The following ZNF507 variants were observed in gnomAD, a reference collection of about 807,000 sequenced individuals.
ZNF507 encodes zinc finger protein 507.
A neutral mutation model predicts 80.0 loss-of-function variants in ZNF507; 29 were observed. That is an observed-to-expected ratio of 0.36 (90% confidence interval 0.27 to 0.49). The LOEUF (loss-of-function observed/expected upper bound fraction) is 0.49, where lower values mean the gene tolerates loss of function less well. ZNF507 is among the 20% of genes least tolerant of loss of function. The pLI, the probability that ZNF507 is intolerant of heterozygous loss-of-function variation, is 0.98. For missense variants in ZNF507, 1,081 were observed against 1,152.2 expected, an observed-to-expected ratio of 0.94 and a Z score of 0.90; for synonymous variants, 462 against 422.5, an observed-to-expected ratio of 1.09 and a Z score of -1.15.
rs1199026450 is a variant in ZNF507 at position 32,382,592 on chromosome 19, A to G, written c.2486A>G (p.Gln829Arg). ...VNKAINDAIS[Q>R]SGRVLGKSPG... is the part of the protein sequence containing the mutation. ...AAGGCTATTAACGACGCGATTTCAC[A>G]AAGTGGCAGGTATTTCATCCTACCC... The change falls in exon 6 of 7, where the codon CAA becomes CGA. Residue 829 changes from glutamine (Q) to arginine (R), a missense_variant. Gln to Arg is a conservative substitution (Grantham distance 43). Transcript: ENST00000355898. 1.2e-6 allele frequency: 2 copies of G among 1,614,090 alleles called. No individual in the cohort carries two copies. Among genetic ancestry groups the G allele is most frequent in the Non-Finnish European group, 1.7e-6 (2 of 1,180,034 alleles).
In ZNF507 at chr19:32,383,776, G is replaced by C. The variant is rs1257051807; in HGVS notation, c.*693G>C. 6.6e-6 allele frequency: 1 copy of C among 152,210 alleles called. No homozygotes were observed. The highest frequency in any genetic ancestry group is 1.5e-5 in the Non-Finnish European group (1 of 68,044). 9.4% of individuals were successfully genotyped at this position (152,210 alleles called of 1,614,324 possible). ...GATGAATTTCTTGTGAGCAGAGGAC[G>C]AAACAGGTGAATTCTCACCAGACTC... is the stretch of plus-strand genomic sequence containing the variant. On this transcript the variant is annotated 3_prime_UTR_variant, in exon 7 of 7. Coordinates refer to ENST00000355898, the MANE Select transcript of ZNF507 (RefSeq NM_001136156.2).
At chr19:32,359,561 A>G (rs1967294089) in intron 4 of ZNF507, 1 of 152,208 alleles carries the variant, frequency 6.6e-6, no homozygotes, top group Non-Finnish European at 1.5e-5. Flanking sequence ...GAAGCGTTGA[A>G]TATCTTCAAG....
chr19:32,383,106 A>G lies in ZNF507; in HGVS notation c.*23A>G. On this transcript the variant is annotated 3_prime_UTR_variant, in exon 7 of 7. Transcript: ENST00000355898. ...TAGGTGGAATAATGACTCGAGCAGG[A>G]AAGCAGTAGAAGAGGATTCCTTCAC... The G allele has an allele frequency of 1.3e-6, 2 of 1,599,528 alleles. No individual in the cohort carries two copies. Among genetic ancestry groups the G allele is most frequent in the Non-Finnish European group, 1.7e-6 (2 of 1,170,362 alleles).
Position 32,353,245 on chromosome 19 carries a change from G to A in ZNF507, c.415G>A (p.Val139Met), listed in dbSNP as rs745604662. 6.7e-5 allele frequency: 108 copies of A among 1,614,048 alleles called. No homozygotes were observed. Among genetic ancestry groups the A allele is most frequent in the Middle Eastern group, 1.6e-4 (1 of 6,084 alleles). Residue 139 changes from valine to methionine, a missense_variant, in exon 3 of 7, where the codon GTG becomes ATG. Physicochemically the swap from Val to Met is conservative, Grantham distance 21. Coordinates refer to ENST00000355898, the MANE Select transcript of ZNF507 (RefSeq NM_001136156.2). ...TAAGTTTCTATCATCATCCTTTTCCGTGTTAAAAGATCATATTAAGCAACA... is the reference window on the plus strand; with the variant it reads ...TAAGTTTCTATCATCATCCTTTTCCATGTTAAAAGATCATATTAAGCAACA... The part of the protein sequence containing the change: ...LCKFLSSSFS[V>M]LKDHIKQHGQ...
intron 5 of ZNF507, among the ~76,000 whole-genome samples, chr19:32,374,715 C>T (rs1046421798): frequency 1.3e-5 from 2 of 152,154 alleles, no homozygotes; most frequent in Non-Finnish European, 1.5e-5. Flanking sequence ...CTCATGACCT[C>T]AGGTGATCCA....
At position 32,353,493 on chromosome 19, in the gene ZNF507, A is replaced by G. The variant is rs2145316731; in HGVS notation, c.663A>G (p.Leu221=). 1.9e-6 allele frequency: 3 copies of G among 1,614,236 alleles called. No homozygotes were observed. Among genetic ancestry groups the G allele is most frequent in the South Asian group, 1.1e-5 (1 of 91,090 alleles). Residue 221 remains leucine, a synonymous_variant, in exon 3 of 7, where the codon CTA becomes CTG. Transcript: ENST00000355898. ...ATATCCCAGTAAGTGTGGACAATCT[A>G]CAGACTCATACTGTCCAAACTGCAT... ...IPDIPVSVDN[L]QTHTVQTASV... is the part of the protein sequence containing the mutation.
intron 3 of ZNF507, 150 bp downstream of exon 3, chr19:32,355,107 T>TA (rs1334364196): frequency 1.4e-6 from 1 of 731,644 alleles, no homozygotes; most frequent in African/African-American, 1.8e-5. Context: ...GATCCCAACT[T>TA]ACCAGTATTA....
intron 5 of ZNF507, among the ~76,000 whole-genome samples, chr19:32,374,474 C>CTTTTTTTTTTT (rs58648987): frequency 7.2e-6 from 1 of 138,162 alleles, no homozygotes; most frequent in African/African-American, 2.7e-5. Flanking sequence ...GCTTTTCTTT[C>CTTTTTTTTTTT]TTTTTTTTTT....
intron 3 of ZNF507, among the ~76,000 whole-genome samples, chr19:32,356,004 A>G (rs1967246931): frequency 6.6e-6 from 1 of 152,304 alleles, no homozygotes; most frequent in South Asian, 2.1e-4. Context: ...ATCTCAAAAA[A>G]AAAGGTAACA....
rs148168333 is a variant in ZNF507 at position 32,359,377 on chromosome 19, C to T, written c.2246-1127C>T. ...GTGGGTTTTCCTTTGTATAATACCA[C>T]GGATTTTACTTTTATGCGGTGTATA... is the stretch of plus-strand genomic sequence containing the variant. On this transcript the variant is annotated intron_variant, in intron 4 of 6. Coordinates refer to ENST00000355898, the MANE Select transcript of ZNF507 (RefSeq NM_001136156.2). 3.7e-3 allele frequency: 568 copies of T among 152,212 alleles called. 7 individuals are homozygous for T. Among genetic ancestry groups the T allele is most frequent in the African/African-American group, 0.013 (539 of 41,526 alleles). 9.4% of individuals were successfully genotyped at this position (152,212 alleles called of 1,614,324 possible).
intron 2 of ZNF507, among the ~76,000 whole-genome samples, chr19:32,347,755 G>A (rs955466543): frequency 6.6e-6 from 1 of 152,142 alleles, no homozygotes; most frequent in African/African-American, 2.4e-5. Context: ...CCAGCATTCT[G>A]GTTGGCACAT....
Position 32,354,103 on chromosome 19 carries a change from G to A in ZNF507, c.1273G>A (p.Asp425Asn). 2 of 1,613,724 alleles carry A rather than the reference G, an allele frequency of 1.2e-6. No individual in the cohort carries two copies. Among genetic ancestry groups the A allele is most frequent in the South Asian group, 2.2e-5 (2 of 91,084 alleles). The change falls in exon 3 of 7, where the codon GAC (aspartate) becomes AAC (asparagine). Residue 425 changes from aspartate to asparagine, a missense_variant. Physicochemically the swap from Asp to Asn is conservative, Grantham distance 23. Transcript: ENST00000355898. ...LMNTEMEEGK[D>N]LSLTEAQIGR... ...GAACACTGAAATGGAAGAAGGGAAG[G>A]ACCTGAGCCTGACAGAAGCTCAGAT...
chr19:32,381,013 T>C (rs1160163658), intron 5 of ZNF507, among the ~76,000 whole-genome samples: 2 of 152,196 alleles, frequency 1.3e-5, no homozygotes, highest in Middle Eastern at 3.2e-3. Flanking sequence ...AACCAAGATA[T>C]TGTTCAGCAG....
At chr19:32,377,958 C>T (rs1274214157) in intron 5 of ZNF507, among the ~76,000 whole-genome samples, 1 of 152,084 alleles carries the variant, frequency 6.6e-6, no homozygotes, top group African/African-American at 2.4e-5. Flanking sequence ...AACCCATCAG[C>T]TCAGTCTAAC....
In ZNF507 at chr19:32,355,185, CTG is replaced by C. The variant is rs778534057; in HGVS notation, c.2127+232_2127+233del. Among the ~76,000 whole-genome samples the C allele has an allele frequency of 3.0e-4, 46 of 152,206 alleles. No homozygotes were observed. The East Asian group carries it at 8.3e-3, about 27-fold the overall frequency. ...CTGCCTGCTGCCTCCTTGACAGCCT[CTG>C]TGTTTTAGTGTGTATAGTTTAAAGT... On this transcript the variant is annotated intron_variant, in intron 3 of 6. Coordinates refer to ENST00000355898, the MANE Select transcript of ZNF507 (RefSeq NM_001136156.2).
chr19:32,365,091 C>G (rs983055724), intron 5 of ZNF507, among the ~76,000 whole-genome samples: 1 of 152,136 alleles, frequency 6.6e-6, no homozygotes, highest in Non-Finnish European at 1.5e-5. Context: ...TTGCATTTCC[C>G]TGATCGTTAA....
In ZNF507 at chr19:32,383,138, T is replaced by G. The variant is rs1967646305; in HGVS notation, c.*55T>G. On this transcript the variant is annotated 3_prime_UTR_variant, in exon 7 of 7. Coordinates refer to ENST00000355898, the MANE Select transcript of ZNF507 (RefSeq NM_001136156.2). ...TAGAAGAGGATTCCTTCACCACAGT[T>G]TCACCTTTACGCTGTCAGACAACTT... The G allele has an allele frequency of 7.7e-6, 12 of 1,559,532 alleles. No individual in the cohort carries two copies. Among genetic ancestry groups the G allele is most frequent in the Non-Finnish European group, 9.6e-6 (11 of 1,151,262 alleles).
intron 5 of ZNF507, among the ~76,000 whole-genome samples, chr19:32,367,637 A>G (rs1234123189): frequency 6.6e-6 from 1 of 152,236 alleles, no homozygotes; most frequent in East Asian, 1.9e-4. Context: ...AGACGATGAT[A>G]CAGAAATAAA....
At chr19:32,367,374 A>G (rs958161343) in intron 5 of ZNF507, among the ~76,000 whole-genome samples, 7 of 152,210 alleles carry the variant, frequency 4.6e-5, no homozygotes, top group African/African-American at 1.7e-4. Flanking sequence ...TCCAAACTGT[A>G]TCATCGGCTG....
Sources: gnomAD v4.1 joint callset for allele counts (sites outside exome capture counted in the v4.1 genomes callset) on GRCh38, gnomAD v4.1.1 for gene constraint, MANE v1.5 for transcripts, NCBI Gene and HGNC (gene_info 2026-07-23, HGNC 2026-07-21) for gene names.